Variants in AKT3 observed in about 807,000 individuals in gnomAD.
AKT3 encodes RAC-gamma serine/threonine-protein kinase.
In AKT3, 15 loss-of-function variants were observed where a neutral mutation model predicts 65.3. That is an observed-to-expected ratio of 0.23 (90% CI 0.15 to 0.35). AKT3 has a LOEUF of 0.35. Ranked by LOEUF, AKT3 falls within the 10% of genes least tolerant of loss-of-function variation. The pLI, the probability that AKT3 is intolerant of heterozygous loss-of-function variation, is 1.00. For synonymous variants in AKT3, 206 were observed against 183.8 expected (o/e 1.12, Z -0.98); for missense variants, 243 against 576.5 (o/e 0.42, Z 5.92).
chr1:243,643,992 T>C (rs2147838920), intron 5 of AKT3, among the ~76,000 whole-genome samples: 1 of 152,342 alleles, frequency 6.6e-6, no homozygotes, highest in Middle Eastern at 3.4e-3. Context: ...ATGGAGTTAG[T>C]AGTGGTACAA....
chr1:243,728,825 T>C (rs1687371044), intron 2 of AKT3, among the ~76,000 whole-genome samples: 2 of 152,142 alleles, frequency 1.3e-5, no homozygotes, highest in South Asian at 2.1e-4. Flanking sequence ...GGTAAAAAGT[T>C]ATTAGAGACA....
intron 2 of AKT3, among the ~76,000 whole-genome samples, chr1:243,765,213 A>T (rs1689740659): frequency 6.6e-6 from 1 of 152,268 alleles, no homozygotes; most frequent in Non-Finnish European, 1.5e-5. Flanking sequence ...TTTAAATTTT[A>T]AAAAGAAACA....
intron 8 of AKT3, among the ~76,000 whole-genome samples, chr1:243,602,713 G>T (rs1383348590): frequency 2.0e-5 from 3 of 152,052 alleles, no homozygotes; most frequent in African/African-American, 7.2e-5. Context: ...TGTTATCAAA[G>T]AAATTAATAT....
chr1:243,834,266 T>C (rs1694743120), intron 2 of AKT3, among the ~76,000 whole-genome samples: 1 of 152,040 alleles, frequency 6.6e-6, no homozygotes, highest in Non-Finnish European at 1.5e-5. Flanking sequence ...TCAACCTAAA[T>C]GCTCATCAAC....
intron 2 of AKT3, chr1:243,793,398 A>G (rs1181215075): frequency 1.3e-5 from 2 of 152,082 alleles, no homozygotes; most frequent in Admixed American, 6.6e-5. Flanking sequence ...CAAAATTTTT[A>G]TACATTTTCA....
At chr1:243,607,703 A>G (rs930905722) in intron 8 of AKT3, among the ~76,000 whole-genome samples, 1 of 152,144 alleles carries the variant, frequency 6.6e-6, no homozygotes, top group Admixed American at 6.6e-5. Context: ...ATGTGAGGAT[A>G]TGAGATTTGG....
intron 2 of AKT3, among the ~76,000 whole-genome samples, chr1:243,838,728 A>G (rs1286839543): frequency 3.9e-5 from 6 of 152,204 alleles, no homozygotes. Context: ...TTATCCTGGC[A>G]TTACCAAATA....
Position 243,590,558 on chromosome 1 carries a change from G to C in AKT3, c.697-17510C>G, listed in dbSNP as rs1676152716. Among the ~76,000 whole-genome samples, 2 of 152,020 alleles carry C rather than the reference G, an allele frequency of 1.3e-5. 1 individual carries two copies. Reference sequence around the variant, plus strand: ...AAAATCAGAGATGATGGAATTAATAGATACTGACTTCAAAATAGTACATGA... The same window carrying C: ...AAAATCAGAGATGATGGAATTAATACATACTGACTTCAAAATAGTACATGA... On this transcript the variant is annotated intron_variant, in intron 8 of 13. Coordinates refer to ENST00000673466, the MANE Select transcript of AKT3 (RefSeq NM_005465.7).
chr1:243,568,029 T>G (rs961287972), intron 9 of AKT3, among the ~76,000 whole-genome samples: 1 of 152,210 alleles, frequency 6.6e-6, no homozygotes, highest in African/African-American at 2.4e-5. Context: ...ATAATGTAAG[T>G]AGTATTTACA....
chr1:243,528,352 C>T lies in AKT3; in HGVS notation c.1252-15926G>A, dbSNP rs536625620. ...TTTAAATTTTAGGTTGAGTGGCACA[C>T]ACGTAGGTTTGTTATATAGGAAAAC... On this transcript the variant is annotated intron_variant, in intron 12 of 13. Transcript: ENST00000673466. 4.8e-3 allele frequency among the ~76,000 whole-genome samples: 729 copies of T among 152,188 alleles called. 5 individuals are homozygous for T. The highest frequency in any genetic ancestry group is 9.3e-3 in the South Asian group (45 of 4,818).
chr1:243,611,861 C>G (rs577572091), intron 8 of AKT3, among the ~76,000 whole-genome samples: 21 of 152,308 alleles, frequency 1.4e-4, no homozygotes, highest in Admixed American at 3.9e-4. Context: ...GAAACAACTT[C>G]TTACATCAAT....
At chr1:243,639,340 C>G (rs943312967) in intron 5 of AKT3, among the ~76,000 whole-genome samples, 1 of 152,138 alleles carries the variant, frequency 6.6e-6, no homozygotes, top group African/African-American at 2.4e-5. Context: ...CAAATTCTTT[C>G]TGAAAATTAA....
chr1:243,660,811 C>G (rs1682248866), intron 4 of AKT3, among the ~76,000 whole-genome samples: 1 of 152,196 alleles, frequency 6.6e-6, no homozygotes, highest in South Asian at 2.1e-4. Flanking sequence ...TCTAGAAAAC[C>G]CCACTGTCTC....
chr1:243,709,992 G>A (rs573201986), intron 2 of AKT3, among the ~76,000 whole-genome samples: 1 of 151,896 alleles, frequency 6.6e-6, no homozygotes, highest in Non-Finnish European at 1.5e-5. Context: ...AGATTTTTTT[G>A]AACTAAAACA....
chr1:243,673,113 A>G (rs185555056), intron 3 of AKT3, among the ~76,000 whole-genome samples: 7 of 152,354 alleles, frequency 4.6e-5, no homozygotes, highest in South Asian at 2.1e-4. Flanking sequence ...TAAAATATAC[A>G]TAACATGAAA....
chr1:243,713,746 TAAAAAAA>T (rs572960154), intron 2 of AKT3, among the ~76,000 whole-genome samples: 18 of 82,976 alleles, frequency 2.2e-4, no homozygotes, highest in East Asian at 4.0e-4. Context: ...TTTGCCTTAA[TAAAAAAA>T]AAAAAAAAAA....
intron 2 of AKT3, among the ~76,000 whole-genome samples, chr1:243,750,634 T>C (rs1433969483): frequency 6.6e-6 from 1 of 150,556 alleles, no homozygotes; most frequent in African/African-American, 2.5e-5. Context: ...CAGGCTGGAG[T>C]GCAGTGGCAC....
intron 12 of AKT3, among the ~76,000 whole-genome samples, chr1:243,544,919 A>T (rs1468061031): frequency 1.3e-5 from 2 of 151,450 alleles, no homozygotes; most frequent in African/African-American, 4.9e-5. Flanking sequence ...CTGGTCTCAA[A>T]ACTCCTGGCC....
At chr1:243,737,839 T>C (rs930996340) in intron 2 of AKT3, among the ~76,000 whole-genome samples, 1 of 152,142 alleles carries the variant, frequency 6.6e-6, no homozygotes, top group Non-Finnish European at 1.5e-5. Context: ...AAAAATCACA[T>C]ATAAAATTGA....
Sources: allele counts gnomAD v4.1 joint callset (sites outside exome capture counted in the v4.1 genomes callset), GRCh38; gene constraint gnomAD v4.1.1; transcripts MANE v1.5; gene names NCBI Gene and HGNC (gene_info 2026-07-23, HGNC 2026-07-21).